CDC5L: variants seen among roughly 807,000 people sequenced by gnomAD.
The protein encoded by CDC5L is cell division cycle 5-like protein.
In CDC5L, 18 loss-of-function variants were observed where a neutral mutation model predicts 104.1. The ratio of observed to expected loss-of-function variants is 0.17; its 90% CI spans 0.12 to 0.26. The LOEUF (loss-of-function observed/expected upper bound fraction) is 0.26. Ranked by LOEUF, CDC5L falls within the 10% of genes least tolerant of loss-of-function variation. The probability of loss-of-function intolerance (pLI) is 1.00; values close to 1 mark genes in which losing one functional copy is unlikely to be tolerated. For synonymous variants in CDC5L, 331 were observed against 322.7 expected (o/e 1.03, Z -0.28); for missense variants, 673 against 956.9 (o/e 0.70, Z 3.91).
chr6:44,419,972 A>G (rs965721236), intron 9 of CDC5L, among the ~76,000 whole-genome samples: 1 of 152,150 alleles, frequency 6.6e-6, no homozygotes, highest in African/African-American at 2.4e-5. Flanking sequence ...TTCGGATCCT[A>G]TCACGTTATT....
chr6:44,432,447 A>G (rs1792729481), intron 14 of CDC5L, among the ~76,000 whole-genome samples: 2 of 152,102 alleles, frequency 1.3e-5, no homozygotes, highest in South Asian at 4.1e-4. Flanking sequence ...CGTGAATCTA[A>G]ATTATGGCCC....
At chr6:44,420,303 GC>G (rs1437763986) in intron 9 of CDC5L, among the ~76,000 whole-genome samples, 2 of 151,720 alleles carry the variant, frequency 1.3e-5, no homozygotes, top group Admixed American at 6.6e-5. Flanking sequence ...CCTACCAACA[GC>G]CAGTACAGGT....
chr6:44,414,419 T>A (rs1791813903), intron 8 of CDC5L, among the ~76,000 whole-genome samples: 1 of 151,130 alleles, frequency 6.6e-6, no homozygotes, highest in Non-Finnish European at 1.5e-5. Flanking sequence ...TGTGTGTGTG[T>A]GTGTGTGTGT....
intron 8 of CDC5L, among the ~76,000 whole-genome samples, chr6:44,411,842 A>G (rs2153378865): frequency 6.6e-6 from 1 of 152,302 alleles, no homozygotes. Flanking sequence ...TTTAAAAACA[A>G]TAATGTGATC....
rs772692249 is a variant in CDC5L, at chr6:44,424,537, A to G, written c.1523A>G (p.Asp508Gly). ...AAGGAGCTGGAAGAACGTGAAATAG[A>G]TGATACTTACATTGAAGATGCTGCT... ...AEKELEEREI[D>G]DTYIEDAADV... is the part of the protein sequence containing the mutation. Residue 508 changes from aspartate (D) to glycine (G), a missense_variant, in exon 11 of 16, where the codon GAT (aspartate) becomes GGT (glycine). Physicochemically the swap from Asp to Gly is moderately conservative, Grantham distance 94 (BLOSUM62 -1). Coordinates refer to ENST00000371477, the MANE Select transcript of CDC5L (RefSeq NM_001253.4). The G allele has an allele frequency of 1.2e-6, 2 of 1,613,994 alleles. No homozygotes were observed. The highest frequency in any genetic ancestry group is 1.1e-5 in the South Asian group (1 of 91,072).
chr6:44,415,326 T>G (rs1014536570), intron 8 of CDC5L, among the ~76,000 whole-genome samples: 1 of 152,214 alleles, frequency 6.6e-6, no homozygotes, highest in Non-Finnish European at 1.5e-5. Flanking sequence ...GCAGTAAGTT[T>G]GGGGCTTGTA....
chr6:44,422,143 T>A lies in CDC5L; in HGVS notation c.1242-504T>A, dbSNP rs547105544. 2.0e-5 allele frequency among the ~76,000 whole-genome samples: 3 copies of A among 152,344 alleles called. No individual in the cohort carries two copies. The South Asian group carries it at 6.2e-4, about 32-fold the overall frequency. On this transcript the variant is annotated intron_variant, in intron 9 of 15. Transcript: ENST00000371477. ...GAACTTACTCATGTTTAGATGTGAT[T>A]TCAAAAGTGTGGTGTTTGGTTTCCA...
chr6:44,426,414 G>T (rs1211602929), intron 12 of CDC5L, 68 bp from the exon 13 acceptor site: 1 of 968,364 alleles, frequency 1.0e-6, no homozygotes, highest in African/African-American at 1.7e-5. Context: ...AATTCATGCT[G>T]TAACAGGTAA....
Position 44,406,305 on chromosome 6 carries a change from T to C in CDC5L, c.759-18T>C. On this transcript the variant is annotated intron_variant, in intron 6 of 15. Transcript: ENST00000371477. ...ATATGTAACTTAAAAATCTCTTTTC[T>C]ACTTTGATCCATGACAGTGAAAAAG... The C allele has an allele frequency of 1.3e-6, 2 of 1,568,644 alleles. No individual in the cohort carries two copies. Among genetic ancestry groups the C allele is most frequent in the Admixed American group, 3.9e-5 (2 of 51,166 alleles).
At chr6:44,430,750 T>G (rs1380133235) in intron 14 of CDC5L, among the ~76,000 whole-genome samples, 1 of 151,962 alleles carries the variant, frequency 6.6e-6, no homozygotes, top group African/African-American at 2.4e-5. Context: ...TTTTTGTATT[T>G]TTAGTAGAGA....
In CDC5L at chr6:44,387,927, C is replaced by G. The variant is rs187878598; in HGVS notation, c.45+59C>G. 1.4e-3 allele frequency: 2,119 copies of G among 1,521,012 alleles called. 20 individuals carry two copies. The African/African-American group carries it at 0.025, about 18-fold the overall frequency. The allele number at this position is 1,521,012 out of a possible 1,614,324, so 94.2% of individuals were successfully genotyped here. On this transcript the variant is annotated intron_variant, in intron 1 of 15. Transcript: ENST00000371477. The stretch of plus-strand genomic sequence containing the variant: ...CGCTCCCTCTAGCAGCTTGTGCGCA[C>G]GCGCGCGGAGGTCGGGGGGGCGACG...
At chr6:44,423,263 G>T (rs1289794110) in intron 10 of CDC5L, among the ~76,000 whole-genome samples, 1 of 152,056 alleles carries the variant, frequency 6.6e-6, no homozygotes, top group Non-Finnish European at 1.5e-5. Context: ...ATTTATATAT[G>T]TTTTTTAAAG....
In CDC5L at chr6:44,426,690, C is replaced by T. The variant is rs866104924; in HGVS notation, c.1859C>T (p.Pro620Leu). 1.1e-5 allele frequency: 18 copies of T among 1,612,632 alleles called. No individual in the cohort carries two copies. Among genetic ancestry groups the T allele is most frequent in the South Asian group, 2.2e-5 (2 of 90,998 alleles). Residue 620 changes from proline to leucine, a missense_variant, in exon 13 of 16, where the codon CCT becomes CTT. This residue lies in a region of CDC5L where 578 missense variants were observed against 737.0 expected (regional missense o/e 0.78). Transcript: ENST00000371477. Reference sequence around the variant, plus strand: ...CACATTACCTATCTGGAACATAATCCTTATGAAAAGTTCTCCAAAGAAGAG... The same window carrying T: ...CACATTACCTATCTGGAACATAATCTTTATGAAAAGTTCTCCAAAGAAGAG... ...SEHITYLEHNPYEKFSKEELK... is the reference protein window; with the variant it reads ...SEHITYLEHNLYEKFSKEELK...
chr6:44,439,259 A>G (rs1050452222), intron 14 of CDC5L, among the ~76,000 whole-genome samples: 26 of 152,144 alleles, frequency 1.7e-4, no homozygotes, highest in African/African-American at 6.0e-4. Flanking sequence ...TTATCAGTTG[A>G]TGGATATTTG....
chr6:44,409,625 A>T (rs1341446305), intron 8 of CDC5L, among the ~76,000 whole-genome samples: 2 of 152,238 alleles, frequency 1.3e-5, no homozygotes, highest in Non-Finnish European at 2.9e-5. Context: ...TTGACTAAGC[A>T]GTAATTCAAC....
Position 44,408,552 on chromosome 6 carries a change from T to C in CDC5L, c.1012T>C (p.Leu338=), listed in dbSNP as rs771602856. 17 of 1,613,928 alleles carry C rather than the reference T, an allele frequency of 1.1e-5. No homozygotes were observed. The highest frequency in any genetic ancestry group is 6.7e-5 in the East Asian group (3 of 44,898). ...GITNSASSTL[L]SEYNVTNNSV... is the part of the protein sequence containing the mutation. ...AACAAATTCTGCTTCCAGTACACTT[T>C]TGTCTGAGTACAATGTCACCAACAA... The change falls in exon 8 of 16, where the codon TTG becomes CTG. Residue 338 remains leucine (L), a synonymous_variant. Transcript: ENST00000371477.
At chr6:44,442,874 G>A (rs1478836202) in intron 14 of CDC5L, among the ~76,000 whole-genome samples, 3 of 152,086 alleles carry the variant, frequency 2.0e-5, no homozygotes, top group Admixed American at 2.0e-4. Context: ...TCTTCCTTCA[G>A]CTTGAAGAAC....
chr6:44,391,192 A>C (rs1790603229), intron 2 of CDC5L, among the ~76,000 whole-genome samples: 1 of 148,214 alleles, frequency 6.7e-6, no homozygotes, highest in Admixed American at 6.8e-5. Context: ...AAACATATTT[A>C]ATATGTTATA....
At chr6:44,429,297 G>C (rs1369274827) in intron 13 of CDC5L, among the ~76,000 whole-genome samples, 1 of 151,570 alleles carries the variant, frequency 6.6e-6, no homozygotes, top group Non-Finnish European at 1.5e-5. Flanking sequence ...TGGGATCATA[G>C]GAGGGAGCCA....
Sources: gnomAD v4.1 joint callset for allele counts (sites outside exome capture counted in the v4.1 genomes callset) on GRCh38, gnomAD v4.1.1 for gene constraint, gnomAD v4.1.1 regional missense constraint, MANE v1.5 for transcripts, NCBI Gene and HGNC (gene_info 2026-07-23, HGNC 2026-07-21) for gene names.